Variants in ACKR3 observed in about 807,000 individuals in gnomAD.
ACKR3 encodes the protein atypical chemokine receptor 3, also known as C-X-C chemokine receptor type 7.
Under a neutral mutation model 22.4 loss-of-function variants are expected in ACKR3, and 6 were observed. That is an observed-to-expected ratio of 0.27 (90% CI 0.15 to 0.53). ACKR3 has a LOEUF of 0.53. Among genes scored for constraint, ACKR3 ranks in the 20% least tolerant of loss-of-function variants. ACKR3 has a pLI of 0.96. For synonymous variants in ACKR3, 209 were observed against 205.2 expected (o/e 1.02, Z -0.16); for missense variants, 396 against 475.2 (o/e 0.83, Z 1.55).
At chr2:236,539,042 G>C in the ACKR3 span, among the ~76,000 whole-genome samples, 37 of 152,204 alleles carry the variant, frequency 2.4e-4, no homozygotes, top group Non-Finnish European at 5.3e-4. Flanking sequence ...TTTGTGTCTT[G>C]CTTCTTTTAC....
chr2:236,581,488 C>A lies in ACKR3; in HGVS notation c.1023C>A (p.Thr341=). 1.9e-6 allele frequency: 3 copies of A among 1,614,174 alleles called. No homozygotes were observed. The highest frequency in any genetic ancestry group is 1.6e-4 in the Middle Eastern group (1 of 6,062). Residue 341 remains threonine, a synonymous_variant, in exon 2 of 2, where the codon ACC becomes ACA. Transcript: ENST00000272928. The surrounding 1 kb of genome is among the most constrained non-coding windows in gnomAD (Gnocchi z 4.4). ...AGTACTCGGCCAAAACAGGGCTCAC[C>A]AAGCTCATCGATGCCTCCAGAGTCT... ...IFKYSAKTGL[T]KLIDASRVSE...
At chr2:236,543,551 C>T in the ACKR3 span, among the ~76,000 whole-genome samples, 1 of 152,070 alleles carries the variant, frequency 6.6e-6, no homozygotes, top group African/African-American at 2.4e-5. Flanking sequence ...CCCAATCCCA[C>T]CCCCAGGGGA....
At chr2:236,567,876 C>CGTGGGTGCGGGCCGTGG (rs2106496190), upstream of ACKR3, 2 of 150,048 alleles carry the variant, frequency 1.3e-5, no homozygotes, top group Admixed American at 1.3e-4. Flanking sequence ...CGGGGAAGGG[C>CGTGGGTGCGGGCCGTGG]GTGGGTGCGG....
chr2:236,545,478 G>A, the ACKR3 span, among the ~76,000 whole-genome samples: 1 of 152,218 alleles, frequency 6.6e-6, no homozygotes, highest in African/African-American at 2.4e-5. The surrounding 1 kb of genome is among the most constrained non-coding windows in gnomAD (Gnocchi z 5.3). Context: ...AAAGACACAT[G>A]CTACACCCCA....
At chr2:236,539,306 C>CTTTTTTT in the ACKR3 span, among the ~76,000 whole-genome samples, 85 of 120,734 alleles carry the variant, frequency 7.0e-4, no homozygotes, top group African/African-American at 1.5e-3. Flanking sequence ...TTTTTCTTTT[C>CTTTTTTT]TTTTTTTTTT....
At chr2:236,561,530 C>T in the ACKR3 span, among the ~76,000 whole-genome samples, 12 of 150,092 alleles carry the variant, frequency 8.0e-5, no homozygotes, top group Admixed American at 4.6e-4. Flanking sequence ...TTTTTTGAGA[C>T]GGAGTCTCAT....
intron 1 of ACKR3, among the ~76,000 whole-genome samples, chr2:236,572,269 A>G (rs1691325149): frequency 6.6e-6 from 1 of 152,232 alleles, no homozygotes; most frequent in Non-Finnish European, 1.5e-5. Context: ...AGGGAATTGC[A>G]TAATTTTATG....
chr2:236,546,596 C>T, the ACKR3 span, among the ~76,000 whole-genome samples: 1 of 152,198 alleles, frequency 6.6e-6, no homozygotes, highest in Non-Finnish European at 1.5e-5. The surrounding 1 kb of genome is among the most constrained non-coding windows in gnomAD (Gnocchi z 4.9). Context: ...CCAGACGTGA[C>T]CACCCTCCTG....
rs1691548036 is a variant in ACKR3, at chr2:236,581,863, A to G, written c.*309A>G. 4.2e-6 allele frequency: 1 copy of G among 238,904 alleles called. No individual in the cohort carries two copies. Among genetic ancestry groups the G allele is most frequent in the Non-Finnish European group, 8.8e-6 (1 of 113,894 alleles). 14.8% of individuals were successfully genotyped at this position (238,904 alleles called of 1,614,324 possible). On this transcript the variant is annotated 3_prime_UTR_variant, in exon 2 of 2. Coordinates refer to ENST00000272928, the MANE Select transcript of ACKR3 (RefSeq NM_020311.3). The surrounding 1 kb of genome is among the most constrained non-coding windows in gnomAD (Gnocchi z 4.4). ...ATTTTCTGTGTTTCCTGAATTTTTTATATGGTGATTTGTATTTAAATTTTA... is the reference window on the plus strand; with the variant it reads ...ATTTTCTGTGTTTCCTGAATTTTTTGTATGGTGATTTGTATTTAAATTTTA...
At chr2:236,572,605 G>C (rs1180324351) in intron 1 of ACKR3, among the ~76,000 whole-genome samples, 1 of 152,196 alleles carries the variant, frequency 6.6e-6, no homozygotes, top group Non-Finnish European at 1.5e-5. Context: ...GGCTCTCCTA[G>C]CCTGGCTGAC....
the ACKR3 span, among the ~76,000 whole-genome samples, chr2:236,544,576 G>T: frequency 1.3e-5 from 2 of 152,220 alleles, no homozygotes; most frequent in African/African-American, 4.8e-5. The surrounding 1 kb of genome is among the most constrained non-coding windows in gnomAD (Gnocchi z 5.0). Flanking sequence ...AGAGCTCAGG[G>T]CAGGCTGGAG....
the ACKR3 span, among the ~76,000 whole-genome samples, chr2:236,543,144 GTGAGAGTTATTCTAGCAGACAAGGAAAA>G: frequency 2.6e-5 from 4 of 152,204 alleles, no homozygotes; most frequent in African/African-American, 9.6e-5. Flanking sequence ...AAGCAAATGA[GTGAGAGTTATTCTAGCAGACAAGGAAAA>G]TGAGGTTGCT....
intron 1 of ACKR3, among the ~76,000 whole-genome samples, chr2:236,576,295 A>G (rs1200238181): frequency 2.0e-5 from 3 of 152,248 alleles, no homozygotes; most frequent in African/African-American, 2.4e-5. Flanking sequence ...TTAAGAATGT[A>G]TACAAGGACC....
At chr2:236,570,967 T>G (rs574452473) in intron 1 of ACKR3, among the ~76,000 whole-genome samples, 1 of 152,256 alleles carries the variant, frequency 6.6e-6, no homozygotes. Context: ...TGACATCCCC[T>G]GAAACTTCAG....
upstream of ACKR3, among the ~76,000 whole-genome samples, chr2:236,563,720 C>G (rs189469776): frequency 7.9e-5 from 12 of 152,264 alleles, no homozygotes; most frequent in Admixed American, 6.5e-4. Context: ...TGTTGCTGTT[C>G]CCAGATTCCG....
At chr2:236,566,572 A>G (rs1464095365), upstream of ACKR3, among the ~76,000 whole-genome samples, 2 of 152,218 alleles carry the variant, frequency 1.3e-5, no homozygotes, top group Non-Finnish European at 2.9e-5. Flanking sequence ...TTAGGACTAG[A>G]AGCTGCCAGC....
chr2:236,561,113 G>A, the ACKR3 span, among the ~76,000 whole-genome samples: 4 of 152,200 alleles, frequency 2.6e-5, no homozygotes, highest in South Asian at 8.3e-4. Flanking sequence ...GAATCTCATA[G>A]AATCAAAGAG....
intron 1 of ACKR3, among the ~76,000 whole-genome samples, chr2:236,579,033 C>T (rs939688559): frequency 3.3e-5 from 5 of 152,158 alleles, no homozygotes; most frequent in Non-Finnish European, 7.3e-5. Context: ...GTGCTGCTGT[C>T]CTGGGGAGGT....
the ACKR3 span, among the ~76,000 whole-genome samples, chr2:236,552,041 GA>G: frequency 6.6e-6 from 1 of 152,186 alleles, no homozygotes; most frequent in Non-Finnish European, 1.5e-5. Flanking sequence ...TTGGGTAACT[GA>G]AACCTGGTCT....
Sources: gnomAD v4.1 joint callset for allele counts (sites outside exome capture counted in the v4.1 genomes callset) on GRCh38, gnomAD v4.1.1 for gene constraint, Gnocchi (gnomAD v3.1) non-coding constraint, MANE v1.5 for transcripts, NCBI Gene and HGNC (gene_info 2026-07-23, HGNC 2026-07-21) for gene names.